BANP: variants seen among roughly 807,000 people sequenced by gnomAD.
BANP encodes protein BANP.
BANP carries 11 observed loss-of-function variants against 68.1 expected under a neutral mutation model. That is an observed-to-expected ratio of 0.16 (90% CI 0.10 to 0.27). The LOEUF is 0.27. Among genes scored for constraint, BANP ranks in the 10% least tolerant of loss-of-function variants. BANP has a pLI of 1.00. For missense variants in BANP, 504 were observed against 722.7 expected, an observed-to-expected ratio of 0.70 and a Z score of 3.47; for synonymous variants, 329 against 303.2, an observed-to-expected ratio of 1.09 and a Z score of -0.88.
chr16:88,005,966 TG>T, intron 5 of BANP, 123 bp from the exon 6 acceptor site: 1 of 1,131,452 alleles, frequency 8.8e-7, no homozygotes, highest in Non-Finnish European at 1.3e-6. Flanking sequence ...GAGAGCAGTA[TG>T]GGAAGGCTGT....
At chr16:88,048,240 C>G (rs1426114682) in intron 11 of BANP, among the ~76,000 whole-genome samples, 1 of 152,224 alleles carries the variant, frequency 6.6e-6, no homozygotes, top group Non-Finnish European at 1.5e-5. Context: ...TGATTGAAGA[C>G]TTAGCCAACT....
chr16:87,981,464 C>T (rs1567652108), intron 3 of BANP, among the ~76,000 whole-genome samples: 4 of 152,210 alleles, frequency 2.6e-5, no homozygotes, highest in Non-Finnish European at 5.9e-5. Context: ...ATTTAAGGCC[C>T]ACCCTAATCC....
intron 11 of BANP, among the ~76,000 whole-genome samples, chr16:88,043,825 G>A (rs1213721303): frequency 6.6e-6 from 1 of 152,184 alleles, no homozygotes; most frequent in Non-Finnish European, 1.5e-5. Flanking sequence ...TTTTCAGTTA[G>A]TGGTAAGGAT....
chr16:88,075,492 G>A (rs978968183), intron 13 of BANP, among the ~76,000 whole-genome samples: 4 of 152,160 alleles, frequency 2.6e-5, no homozygotes, highest in African/African-American at 9.6e-5. Context: ...AACAGAGCAA[G>A]ACCCTATCTC....
At chr16:87,983,022 G>A (rs1239850471) in intron 3 of BANP, among the ~76,000 whole-genome samples, 5 of 152,256 alleles carry the variant, frequency 3.3e-5, no homozygotes, top group East Asian at 1.9e-4. Context: ...CGAGCTCCAC[G>A]GCCCGCTCTC....
intron 12 of BANP, among the ~76,000 whole-genome samples, chr16:88,066,694 A>G (rs2088709772): frequency 6.6e-6 from 1 of 152,258 alleles, no homozygotes; most frequent in South Asian, 2.1e-4. Flanking sequence ...CTGTTGATAG[A>G]TTCTTGAAAA....
chr16:87,958,455 ATG>A (rs2058520868), intron 1 of BANP, among the ~76,000 whole-genome samples: 1 of 152,192 alleles, frequency 6.6e-6, no homozygotes, highest in Non-Finnish European at 1.5e-5. Flanking sequence ...CTCTTCTGTG[ATG>A]TGTGTCTACT....
At chr16:88,013,879 T>C (rs2073847252) in intron 6 of BANP, among the ~76,000 whole-genome samples, 1 of 152,188 alleles carries the variant, frequency 6.6e-6, no homozygotes, top group Non-Finnish European at 1.5e-5. Flanking sequence ...GGGAGTGGTA[T>C]TGTCAACAGG....
intron 7 of BANP, 146 bp from the exon 8 acceptor site, chr16:88,027,337 A>G: frequency 1.2e-6 from 1 of 856,750 alleles, no homozygotes; most frequent in Non-Finnish European, 1.8e-6. Context: ...GGGCCTTTCC[A>G]GACCCTTGCA....
At position 88,025,244 on chromosome 16, in the gene BANP, C is replaced by G. The variant is rs951691527; in HGVS notation, c.896-2239C>G. Reference sequence around the variant, plus strand: ...GTTTGAAAGCTGGGTTTTCCGGTAACTATGGTGCAACCTCTGGCAGCAGCT... The same window carrying G: ...GTTTGAAAGCTGGGTTTTCCGGTAAGTATGGTGCAACCTCTGGCAGCAGCT... On this transcript the variant is annotated intron_variant, in intron 7 of 13. Transcript: ENST00000682872. Among the ~76,000 whole-genome samples, 4 of 152,138 alleles carry G rather than the reference C, an allele frequency of 2.6e-5. 1 individual carries two copies. The South Asian group carries it at 6.2e-4, about 24-fold the overall frequency.
At chr16:87,999,179 T>C in intron 4 of BANP, among the ~76,000 whole-genome samples, 1 of 136,552 alleles carries the variant, frequency 7.3e-6, no homozygotes, top group African/African-American at 2.8e-5. Flanking sequence ...CACATCTCCA[T>C]GCCCGCACGT....
intron 11 of BANP, among the ~76,000 whole-genome samples, chr16:88,049,233 C>T (rs992882831): frequency 5.3e-5 from 8 of 152,196 alleles, no homozygotes; most frequent in Non-Finnish European, 8.8e-5. Context: ...GGGCTTCCCA[C>T]GACCCGTCTT....
chr16:88,005,236 C>A (rs1394946971), intron 5 of BANP, among the ~76,000 whole-genome samples: 1 of 152,166 alleles, frequency 6.6e-6, no homozygotes, highest in Non-Finnish European at 1.5e-5. Context: ...GGGCTTTGCA[C>A]TGAGGTCAGC....
rs1274823112 is a variant in BANP at position 88,071,817 on chromosome 16, G to A, written c.1378-252G>A. 1 of 690,490 alleles carries A rather than the reference G, an allele frequency of 1.4e-6. No individual in the cohort carries two copies. Among genetic ancestry groups the A allele is most frequent in the Non-Finnish European group, 2.6e-6 (1 of 378,484 alleles). 42.8% of individuals were successfully genotyped at this position (690,490 alleles called of 1,614,324 possible). A position where few individuals can be genotyped will look rare whatever the true frequency, so the allele number is the denominator to read the frequency against. Reference sequence around the variant, plus strand: ...TTTTTTTTTCCCTTTTTTCTGCTCTGTAGGTGCTTGAGGGCGGAGTTGCAG... The same window carrying A: ...TTTTTTTTTCCCTTTTTTCTGCTCTATAGGTGCTTGAGGGCGGAGTTGCAG... On this transcript the variant is annotated intron_variant, in intron 12 of 13. Transcript: ENST00000682872. The surrounding 1 kb of genome is among the most constrained non-coding windows in gnomAD (Gnocchi z 6.5).
At chr16:88,029,735 C>CTA (rs1380042380) in intron 8 of BANP, among the ~76,000 whole-genome samples, 1 of 152,052 alleles carries the variant, frequency 6.6e-6, no homozygotes, top group Non-Finnish European at 1.5e-5. Flanking sequence ...TGTCCTAAGA[C>CTA]GTTAGACAAG....
chr16:87,965,500 C>T (rs546900120), intron 1 of BANP, among the ~76,000 whole-genome samples: 2 of 151,694 alleles, frequency 1.3e-5, no homozygotes, highest in South Asian at 2.1e-4. Flanking sequence ...GGCACATGCC[C>T]GAGGAGGCAG....
intron 4 of BANP, among the ~76,000 whole-genome samples, chr16:87,997,959 G>A (rs748891108): frequency 6.6e-6 from 1 of 152,178 alleles, no homozygotes. Context: ...AACTGACCCC[G>A]CACAGTGGAT....
intron 11 of BANP, among the ~76,000 whole-genome samples, chr16:88,053,425 A>G (rs2083873059): frequency 6.6e-6 from 1 of 150,858 alleles, no homozygotes; most frequent in Non-Finnish European, 1.5e-5. Flanking sequence ...CTTTACCACC[A>G]CCACCACCTC....
intron 7 of BANP, among the ~76,000 whole-genome samples, chr16:88,022,901 T>A (rs1168528405): frequency 1.3e-5 from 2 of 152,144 alleles, no homozygotes; most frequent in African/African-American, 2.4e-5. Context: ...CATTACAACC[T>A]AATGAATCAC....
Sources: allele counts gnomAD v4.1 joint callset (sites outside exome capture counted in the v4.1 genomes callset), GRCh38; gene constraint gnomAD v4.1.1; non-coding constraint Gnocchi (gnomAD v3.1); transcripts MANE v1.5; gene names NCBI Gene and HGNC (gene_info 2026-07-23, HGNC 2026-07-21).